The following PLCXD3 variants were observed in gnomAD, a reference collection of about 807,000 sequenced individuals.
PLCXD3 encodes PI-PLC X domain-containing protein 3.
In PLCXD3, 19 loss-of-function variants were observed where a neutral mutation model predicts 25.5. The observed-to-expected ratio is 0.75, with a 90% CI of 0.52 to 1.09. The LOEUF is 1.09. Ranked by LOEUF, PLCXD3 falls within the 50% of genes least tolerant of loss-of-function variation. PLCXD3 has a pLI of 0.00. For missense variants in PLCXD3, 411 were observed against 388.1 expected (o/e 1.06, Z -0.50); for synonymous variants, 174 against 137.6 (o/e 1.26, Z -1.85).
chr5:41,386,803 A>C (rs528694638), intron 1 of PLCXD3, among the ~76,000 whole-genome samples: 1 of 152,160 alleles, frequency 6.6e-6, no homozygotes, highest in East Asian at 1.9e-4. Context: ...AACAGAAAAA[A>C]TATTATTCAA....
intron 1 of PLCXD3, among the ~76,000 whole-genome samples, chr5:41,431,127 G>C (rs1747089017): frequency 6.6e-6 from 1 of 152,148 alleles, no homozygotes; most frequent in Non-Finnish European, 1.5e-5. Context: ...AATTTTCTGG[G>C]CTGACCTCAT....
chr5:41,393,753 A>T (rs1195187935), intron 1 of PLCXD3, among the ~76,000 whole-genome samples: 1 of 151,954 alleles, frequency 6.6e-6, no homozygotes, highest in Non-Finnish European at 1.5e-5. Context: ...CCCCGTCTCT[A>T]CTAAAAATAC....
At chr5:41,354,639 T>C (rs1254902901) in intron 2 of PLCXD3, among the ~76,000 whole-genome samples, 2 of 152,158 alleles carry the variant, frequency 1.3e-5, no homozygotes, top group African/African-American at 4.8e-5. Context: ...ATCATGTACC[T>C]AGATCCTGGG....
In PLCXD3 at chr5:41,431,348, C is replaced by A. The variant is rs181239805; in HGVS notation, c.104-48814G>T. Among the ~76,000 whole-genome samples, 873 of 152,272 alleles carry A rather than the reference C, an allele frequency of 5.7e-3. 9 individuals carry two copies. Among genetic ancestry groups the A allele is most frequent in the African/African-American group, 0.02 (823 of 41,558 alleles). ...CATTAGAGGTTATGCTAAGGGTTTG[C>A]AAAGTTAAAAGACACACTAAGTATA... On this transcript the variant is annotated intron_variant, in intron 1 of 2. Coordinates refer to ENST00000377801, the MANE Select transcript of PLCXD3 (RefSeq NM_001005473.3).
intron 1 of PLCXD3, among the ~76,000 whole-genome samples, chr5:41,438,700 A>G (rs1238647440): frequency 6.6e-6 from 1 of 151,812 alleles, no homozygotes; most frequent in African/African-American, 2.4e-5. Flanking sequence ...ACAAGAACCC[A>G]CTTTTTTCTA....
intron 1 of PLCXD3, among the ~76,000 whole-genome samples, chr5:41,447,065 G>A (rs1370898685): frequency 6.6e-6 from 1 of 152,130 alleles, no homozygotes; most frequent in African/African-American, 2.4e-5. Flanking sequence ...TGTATTTCTG[G>A]GGGTGGAGGT....
chr5:41,472,470 A>C (rs1391721081), intron 1 of PLCXD3, among the ~76,000 whole-genome samples: 1 of 152,254 alleles, frequency 6.6e-6, no homozygotes, highest in African/African-American at 2.4e-5. Context: ...GAAGAAGATA[A>C]ACTGTGTTAA....
chr5:41,317,572 A>G (rs1271620767), intron 2 of PLCXD3, among the ~76,000 whole-genome samples: 1 of 152,132 alleles, frequency 6.6e-6, no homozygotes, highest in Non-Finnish European at 1.5e-5. Context: ...TTTCAGACAA[A>G]GAACTCAAAG....
chr5:41,410,336 G>T (rs1561265117), intron 1 of PLCXD3, among the ~76,000 whole-genome samples: 2 of 151,836 alleles, frequency 1.3e-5, no homozygotes, highest in South Asian at 4.2e-4. Context: ...GTAGAGATGG[G>T]GTTTCACCAT....
intron 1 of PLCXD3, among the ~76,000 whole-genome samples, chr5:41,447,853 G>T (rs1156787800): frequency 1.3e-5 from 2 of 152,208 alleles, no homozygotes; most frequent in East Asian, 3.8e-4. Flanking sequence ...TCTCATTAAG[G>T]CAAAGGCCAT....
In PLCXD3 at chr5:41,351,142, G is replaced by A. The variant is rs144695547; in HGVS notation, c.812+30684C>T. 3.8e-3 allele frequency among the ~76,000 whole-genome samples: 574 copies of A among 151,666 alleles called. 4 individuals are homozygous for A. Among genetic ancestry groups the A allele is most frequent in the African/African-American group, 0.013 (557 of 41,380 alleles). On this transcript the variant is annotated intron_variant, in intron 2 of 2. Coordinates refer to ENST00000377801, the MANE Select transcript of PLCXD3 (RefSeq NM_001005473.3). ...CTCAGAGCAGATACCTTTTTTTTGA[G>A]GCAAACTTGTTCTAATTTTTGGATT...
At chr5:41,381,658 G>A (rs1316709919) in intron 2 of PLCXD3, among the ~76,000 whole-genome samples, 168 bp downstream of exon 2, 1 of 152,056 alleles carries the variant, frequency 6.6e-6, no homozygotes, top group African/African-American at 2.4e-5. Flanking sequence ...TCAGAACTGT[G>A]AGATAATATA....
chr5:41,435,703 G>T (rs538541654), intron 1 of PLCXD3, among the ~76,000 whole-genome samples: 1 of 152,288 alleles, frequency 6.6e-6, no homozygotes, highest in South Asian at 2.1e-4. Flanking sequence ...AAACCTAATA[G>T]GCATTCCTTG....
chr5:41,509,543 G>A (rs1264154897), intron 1 of PLCXD3, among the ~76,000 whole-genome samples: 1 of 152,164 alleles, frequency 6.6e-6, no homozygotes, highest in Non-Finnish European at 1.5e-5. Flanking sequence ...TGATCCCTCA[G>A]GTCTCTTCCT....
chr5:41,457,066 G>A (rs1047710123), intron 1 of PLCXD3, among the ~76,000 whole-genome samples: 2 of 151,912 alleles, frequency 1.3e-5, no homozygotes, highest in Non-Finnish European at 2.9e-5. Flanking sequence ...TGGGGCATAA[G>A]AGCTTTCTGC....
intron 1 of PLCXD3, among the ~76,000 whole-genome samples, chr5:41,409,548 A>G (rs1324233622): frequency 6.6e-6 from 1 of 152,194 alleles, no homozygotes; most frequent in African/African-American, 2.4e-5. Flanking sequence ...GTTAGTCTGT[A>G]TCACATGATC....
At chr5:41,500,450 T>C (rs752749449) in intron 1 of PLCXD3, among the ~76,000 whole-genome samples, 1 of 151,730 alleles carries the variant, frequency 6.6e-6, no homozygotes, top group African/African-American at 2.4e-5. Flanking sequence ...AAGGGAGAGA[T>C]AATGAGAAAT....
intron 1 of PLCXD3, among the ~76,000 whole-genome samples, chr5:41,500,283 G>A (rs890649188): frequency 5.3e-5 from 8 of 151,830 alleles, no homozygotes; most frequent in African/African-American, 1.9e-4. Context: ...CAACATGAAT[G>A]GAAGTAGAGG....
At chr5:41,333,299 C>G (rs898039548) in intron 2 of PLCXD3, among the ~76,000 whole-genome samples, 2 of 152,168 alleles carry the variant, frequency 1.3e-5, no homozygotes, top group African/African-American at 4.8e-5. Context: ...TCAACTGTGA[C>G]AGATTTTCAA....
Sources: allele counts gnomAD v4.1 joint callset (sites outside exome capture counted in the v4.1 genomes callset), GRCh38; gene constraint gnomAD v4.1.1; transcripts MANE v1.5; gene names NCBI Gene and HGNC (gene_info 2026-07-23, HGNC 2026-07-21).